FBXL17: variants seen among roughly 807,000 people sequenced by gnomAD.
FBXL17 encodes the protein F-box and leucine rich repeat protein 17, also known as F-box/LRR-repeat protein 17.
FBXL17 carries 22 observed loss-of-function variants against 66.2 expected under a neutral mutation model. The ratio of observed to expected loss-of-function variants is 0.33; its 90% confidence interval spans 0.24 to 0.47. The LOEUF is 0.47. FBXL17 is among the 20% of genes least tolerant of loss of function. The probability of loss-of-function intolerance (pLI) is 1.00; values close to 1 mark genes in which losing one functional copy is unlikely to be tolerated. For synonymous variants in FBXL17, 474 were observed against 400.5 expected (o/e 1.18, Z -2.19); for missense variants, 878 against 948.2 (o/e 0.93, Z 0.97).
intron 7 of FBXL17, among the ~76,000 whole-genome samples, chr5:107,923,825 G>A (rs1421657800): frequency 1.3e-5 from 2 of 152,064 alleles, no homozygotes; most frequent in Non-Finnish European, 2.9e-5. Flanking sequence ...CTTGACACTG[G>A]CATATTACGA....
chr5:108,022,736 T>A (rs1424967268), intron 6 of FBXL17, among the ~76,000 whole-genome samples: 1 of 152,102 alleles, frequency 6.6e-6, no homozygotes, highest in African/African-American at 2.4e-5. Context: ...TATAAGCACA[T>A]ATGAACATTA....
intron 7 of FBXL17, among the ~76,000 whole-genome samples, chr5:108,014,697 C>A (rs936054627): frequency 1.6e-4 from 25 of 152,112 alleles, no homozygotes; most frequent in Non-Finnish European, 2.9e-4. Flanking sequence ...TAATTAAATA[C>A]CAAATTTTGG....
chr5:107,875,398 T>C (rs1748590359), intron 8 of FBXL17, among the ~76,000 whole-genome samples: 1 of 152,224 alleles, frequency 6.6e-6, no homozygotes, highest in Admixed American at 6.5e-5. Context: ...AACAAGCTGA[T>C]AAAAACTCCA....
chr5:108,051,982 G>A lies in FBXL17; in HGVS notation c.1746-30981C>T, dbSNP rs373445369. Among the ~76,000 whole-genome samples, 22 of 151,768 alleles carry A rather than the reference G, an allele frequency of 1.4e-4. No individual in the cohort carries two copies. The East Asian group carries it at 3.5e-3, about 24-fold the overall frequency. ...AAAAAAACTAGCCGGGTCTGGTGGC[G>A]GGCTCCTGTAGTCCCAGCTACTCAG... On this transcript the variant is annotated intron_variant, in intron 6 of 8. Transcript: ENST00000542267.
intron 6 of FBXL17, among the ~76,000 whole-genome samples, chr5:108,089,903 C>A (rs796485737): frequency 6.6e-6 from 1 of 152,134 alleles, no homozygotes; most frequent in Non-Finnish European, 1.5e-5. Context: ...ACACGGCTCA[C>A]TGTAGACTCG....
intron 7 of FBXL17, among the ~76,000 whole-genome samples, chr5:107,887,407 G>A (rs868156861): frequency 6.6e-6 from 1 of 152,284 alleles, no homozygotes; most frequent in African/African-American, 2.4e-5. Flanking sequence ...CGACCTGCAT[G>A]TGCCGTTTTG....
chr5:107,868,430 G>A (rs1748345638), intron 8 of FBXL17, among the ~76,000 whole-genome samples: 1 of 152,226 alleles, frequency 6.6e-6, no homozygotes, highest in African/African-American at 2.4e-5. Flanking sequence ...AGTCTGTTGT[G>A]GAGCTGTGGG....
chr5:107,997,105 A>C (rs1303771756), intron 7 of FBXL17, among the ~76,000 whole-genome samples: 2 of 152,176 alleles, frequency 1.3e-5, no homozygotes, highest in African/African-American at 4.8e-5. Context: ...TTCCGGGATG[A>C]GAGATTTTAT....
In FBXL17 at chr5:108,016,937, G is replaced by A. The variant is rs1468870411; in HGVS notation, c.1822+3988C>T. On this transcript the variant is annotated intron_variant, in intron 7 of 8. Coordinates refer to ENST00000542267, the MANE Select transcript of FBXL17 (RefSeq NM_001163315.3). ...TGGGATTACAGGCATGCGTCACCAC[G>A]CTCAGCTAATTTTGTATTTTTAGTA... 2.0e-5 allele frequency among the ~76,000 whole-genome samples: 3 copies of A among 151,792 alleles called. No individual in the cohort carries two copies. The South Asian group carries it at 6.2e-4, about 32-fold the overall frequency.
chr5:108,297,522 G>A (rs1229192052), intron 4 of FBXL17, among the ~76,000 whole-genome samples: 2 of 151,588 alleles, frequency 1.3e-5, no homozygotes, highest in Non-Finnish European at 3.0e-5. Flanking sequence ...GCAATTTAAA[G>A]ACTCAAACAT....
chr5:107,940,933 T>C (rs976923041), intron 7 of FBXL17, among the ~76,000 whole-genome samples: 1 of 152,126 alleles, frequency 6.6e-6, no homozygotes, highest in African/African-American at 2.4e-5. Flanking sequence ...CCCATGTAAT[T>C]CAAATAGGTA....
At chr5:108,122,979 C>T (rs919711777) in intron 6 of FBXL17, among the ~76,000 whole-genome samples, 2 of 151,756 alleles carry the variant, frequency 1.3e-5, no homozygotes, top group African/African-American at 4.8e-5. Context: ...TAATCTGTGG[C>T]CAAAGGCTAG....
At chr5:108,162,685 C>T (rs1561441438) in intron 6 of FBXL17, among the ~76,000 whole-genome samples, 2 of 152,326 alleles carry the variant, frequency 1.3e-5, no homozygotes, top group South Asian at 4.1e-4. Context: ...TCTACCTATA[C>T]AACACTGGGC....
At chr5:108,017,307 C>A (rs1209867447) in intron 7 of FBXL17, among the ~76,000 whole-genome samples, 1 of 152,138 alleles carries the variant, frequency 6.6e-6, no homozygotes, top group Non-Finnish European at 1.5e-5. Context: ...TACTAATAAT[C>A]TTGTTTAGCT....
chr5:108,094,101 G>T (rs1028345210), intron 6 of FBXL17, among the ~76,000 whole-genome samples: 2 of 151,996 alleles, frequency 1.3e-5, no homozygotes, highest in Non-Finnish European at 2.9e-5. Context: ...AAAAAGTCTC[G>T]AGCTCTTAAA....
intron 6 of FBXL17, among the ~76,000 whole-genome samples, chr5:108,160,746 G>C (rs1257507081): frequency 6.6e-6 from 1 of 152,062 alleles, no homozygotes; most frequent in Non-Finnish European, 1.5e-5. Flanking sequence ...GAAGAGAGAA[G>C]TTTACTCTCA....
At chr5:108,030,594 G>A (rs1326877648) in intron 6 of FBXL17, among the ~76,000 whole-genome samples, 2 of 152,092 alleles carry the variant, frequency 1.3e-5, no homozygotes, top group African/African-American at 4.8e-5. Flanking sequence ...TACAGTTACT[G>A]TTCTGTCTGC....
At chr5:108,058,384 CATGG>C (rs1747791720) in intron 6 of FBXL17, among the ~76,000 whole-genome samples, 1 of 152,058 alleles carries the variant, frequency 6.6e-6, no homozygotes. Context: ...CTACAGTCTA[CATGG>C]ATTCTTTCTT....
At chr5:107,977,000 T>G (rs1011698051) in intron 7 of FBXL17, among the ~76,000 whole-genome samples, 9 of 152,194 alleles carry the variant, frequency 5.9e-5, no homozygotes, top group Non-Finnish European at 1.3e-4. Flanking sequence ...AGAATAGGGT[T>G]GGGAATATCT....
Sources: gnomAD v4.1 joint callset for allele counts (sites outside exome capture counted in the v4.1 genomes callset) on GRCh38, gnomAD v4.1.1 for gene constraint, MANE v1.5 for transcripts, NCBI Gene and HGNC (gene_info 2026-07-23, HGNC 2026-07-21) for gene names.